The following OLA1 variants were observed in gnomAD, a reference collection of about 807,000 sequenced individuals.
The protein encoded by OLA1 is obg-like ATPase 1.
In OLA1, 14 loss-of-function variants were observed where a neutral mutation model predicts 48.4. The observed-to-expected ratio is 0.29, with a 90% CI of 0.19 to 0.45. The LOEUF (loss-of-function observed/expected upper bound fraction) is 0.45. OLA1 is among the 20% of genes least tolerant of loss of function. The pLI is 1.00. For missense variants in OLA1, 325 were observed against 467.1 expected (o/e 0.70, Z 2.80); for synonymous variants, 127 against 150.4 (o/e 0.84, Z 1.14).
At chr2:174,099,299 G>A (rs1223735276) in intron 7 of OLA1, among the ~76,000 whole-genome samples, 1 of 152,082 alleles carries the variant, frequency 6.6e-6, no homozygotes, top group Non-Finnish European at 1.5e-5. Context: ...GGGACTACAG[G>A]TGCGTGCCAC....
At chr2:174,144,661 T>C (rs189687169) in intron 4 of OLA1, among the ~76,000 whole-genome samples, 3 of 151,876 alleles carry the variant, frequency 2.0e-5, no homozygotes, top group African/African-American at 7.2e-5. Flanking sequence ...CTTAAGAATA[T>C]AGTCTTTGAG....
intron 4 of OLA1, among the ~76,000 whole-genome samples, chr2:174,165,522 C>G (rs1023810071): frequency 1.4e-4 from 22 of 152,178 alleles, no homozygotes; most frequent in African/African-American, 5.1e-4. Context: ...ATTTCTGACA[C>G]AAAGATGGTA....
At chr2:174,121,723 CT>C (rs1386662806) in intron 7 of OLA1, among the ~76,000 whole-genome samples, 2 of 152,214 alleles carry the variant, frequency 1.3e-5, no homozygotes, top group African/African-American at 4.8e-5. Context: ...CATGGGGTGT[CT>C]GGCGACAGCT....
Position 174,165,281 on chromosome 2 carries a change from G to A in OLA1, c.374-23281C>T, listed in dbSNP as rs577636120. On this transcript the variant is annotated intron_variant, in intron 4 of 10. Coordinates refer to ENST00000284719, the MANE Select transcript of OLA1 (RefSeq NM_013341.5). The stretch of plus-strand genomic sequence containing the variant: ...TAAAATGGGATACAGCAAAAACAAG[G>A]GTGGAATGCATAAGGTATATTCAGA... Among the ~76,000 whole-genome samples, 3 of 152,204 alleles carry A rather than the reference G, an allele frequency of 2.0e-5. No homozygotes were observed. In the East Asian group the frequency reaches 5.8e-4, roughly 29 times the overall value.
intron 5 of OLA1, among the ~76,000 whole-genome samples, chr2:174,130,302 T>C (rs1402548106): frequency 2.0e-5 from 3 of 152,116 alleles, no homozygotes; most frequent in East Asian, 3.9e-4. Flanking sequence ...CAGAAAAGGA[T>C]TGGGCAATAA....
intron 4 of OLA1, among the ~76,000 whole-genome samples, chr2:174,175,296 T>TAAAAAAAAAAAAAAA (rs34692902): frequency 7.5e-6 from 1 of 132,746 alleles, no homozygotes; most frequent in Non-Finnish European, 1.6e-5. Context: ...AAGACAGAAT[T>TAAAAAAAAAAAAAAA]AAAAAAAAAA....
chr2:174,079,217 G>C, intron 9 of OLA1, 127 bp from the exon 10 acceptor site: 1 of 671,488 alleles, frequency 1.5e-6, no homozygotes, highest in Middle Eastern at 3.5e-4. Flanking sequence ...TAAGATGTCA[G>C]GTATATAATT....
chr2:174,175,779 C>T (rs1239271533), intron 4 of OLA1, among the ~76,000 whole-genome samples: 1 of 151,680 alleles, frequency 6.6e-6, no homozygotes, highest in South Asian at 2.1e-4. Context: ...TAATTCGTAA[C>T]AATAAAAACT....
intron 4 of OLA1, among the ~76,000 whole-genome samples, chr2:174,184,817 T>C (rs899332356): frequency 2.0e-5 from 3 of 152,218 alleles, no homozygotes; most frequent in African/African-American, 7.2e-5. Flanking sequence ...ATTCAGACTA[T>C]GTTAAACAAG....
intron 7 of OLA1, among the ~76,000 whole-genome samples, chr2:174,097,099 T>C (rs59237936): frequency 0.14 from 20,770 of 152,186 alleles, 1,799 homozygotes; most frequent in Non-Finnish European, 0.2. Context: ...AAGGTTGCAG[T>C]GAGCCGAGAT....
intron 7 of OLA1, among the ~76,000 whole-genome samples, chr2:174,115,159 T>G (rs1217522500): frequency 1.3e-5 from 2 of 152,158 alleles, no homozygotes; most frequent in African/African-American, 4.8e-5. Flanking sequence ...AATAGTGTAA[T>G]GAGGGTCATC....
intron 4 of OLA1, among the ~76,000 whole-genome samples, chr2:174,150,551 A>G (rs1686718928): frequency 6.6e-6 from 1 of 152,256 alleles, no homozygotes; most frequent in South Asian, 2.1e-4. Context: ...AAATAGACCT[A>G]TCTGACTTAT....
At chr2:174,155,043 A>T (rs1686840838) in intron 4 of OLA1, among the ~76,000 whole-genome samples, 1 of 152,206 alleles carries the variant, frequency 6.6e-6, no homozygotes, top group Admixed American at 6.5e-5. Context: ...TCTCCATAGC[A>T]ATATGCCTTC....
intron 6 of OLA1, 107 bp from the exon 7 acceptor site, chr2:174,123,384 C>G (rs1304426144): frequency 6.5e-6 from 4 of 616,240 alleles, no homozygotes; most frequent in Non-Finnish European, 1.1e-5. Flanking sequence ...TAGGCATTTT[C>G]ATTTTTATAA....
chr2:174,076,015 T>G (rs907112593), intron 10 of OLA1, among the ~76,000 whole-genome samples: 1 of 152,232 alleles, frequency 6.6e-6, no homozygotes, highest in African/African-American at 2.4e-5. Context: ...TGTGTAAGAT[T>G]CTGAACTACT....
At chr2:174,211,690 T>C (rs777412299) in intron 4 of OLA1, among the ~76,000 whole-genome samples, 30 of 152,156 alleles carry the variant, frequency 2.0e-4, no homozygotes, top group Admixed American at 3.3e-4. Flanking sequence ...AATCTATCAA[T>C]AGTATAATGT....
chr2:174,208,005 A>G (rs1026663710), intron 4 of OLA1, among the ~76,000 whole-genome samples: 1 of 152,186 alleles, frequency 6.6e-6, no homozygotes, highest in Non-Finnish European at 1.5e-5. Flanking sequence ...ACTGTAATGC[A>G]TTTCTATGTT....
At chr2:174,189,978 C>T (rs1418358593) in intron 4 of OLA1, among the ~76,000 whole-genome samples, 1 of 151,776 alleles carries the variant, frequency 6.6e-6, no homozygotes, top group African/African-American at 2.4e-5. Context: ...TAAAATACAT[C>T]TGAGAAGAAA....
chr2:174,115,217 G>C (rs1428060040), intron 7 of OLA1, among the ~76,000 whole-genome samples: 1 of 152,168 alleles, frequency 6.6e-6, no homozygotes, highest in East Asian at 1.9e-4. Context: ...ACACCGTAAG[G>C]CTCTAGACAA....
Sources: gnomAD v4.1 joint callset for allele counts (sites outside exome capture counted in the v4.1 genomes callset) on GRCh38, gnomAD v4.1.1 for gene constraint, MANE v1.5 for transcripts, NCBI Gene and HGNC (gene_info 2026-07-23, HGNC 2026-07-21) for gene names.